GALNT18: variants seen among roughly 807,000 people sequenced by gnomAD.
GALNT18 encodes the protein GalNAc-transferase 18.
GALNT18 carries 44 observed loss-of-function variants against 69.5 expected under a neutral mutation model. That is an observed-to-expected ratio of 0.63 (90% CI 0.50 to 0.81). GALNT18 has a LOEUF of 0.81. GALNT18 is among the 40% of genes least tolerant of loss of function. GALNT18 has a pLI of 0.00. For missense variants in GALNT18, 715 were observed against 810.0 expected (o/e 0.88, Z 1.42); for synonymous variants, 364 against 318.2 (o/e 1.14, Z -1.53).
rs1860053120 is a variant in GALNT18 at position 11,616,464 on chromosome 11, A to G, written c.235+4895T>C. Among the ~76,000 whole-genome samples, 1 of 152,230 alleles carries G rather than the reference A, an allele frequency of 6.6e-6. No individual in the cohort carries two copies. Among genetic ancestry groups the G allele is most frequent in the Non-Finnish European group, 1.5e-5 (1 of 68,038 alleles). ...CACTTCTGGAAAGACATCCTTAAAC[A>G]TAATTCAAAAAACAGTGAGGTGAAG... On this transcript the variant is annotated intron_variant, in intron 1 of 10. Coordinates refer to ENST00000227756, the MANE Select transcript of GALNT18 (RefSeq NM_198516.3). This position sits in a 1 kb window ranked among gnomAD's most constrained non-coding sequence, Gnocchi z 4.4.
chr11:11,419,307 T>C (rs1247360153), intron 3 of GALNT18, among the ~76,000 whole-genome samples: 1 of 152,118 alleles, frequency 6.6e-6, no homozygotes, highest in Non-Finnish European at 1.5e-5. Context: ...TTAGAAACCA[T>C]GCAAAGTGGC....
chr11:11,271,605 G>GGGCTGGGTCTTGCTCCGCATAGCCATC, intron 10 of GALNT18, among the ~76,000 whole-genome samples: 1 of 151,328 alleles, frequency 6.6e-6, no homozygotes, highest in East Asian at 1.9e-4. Flanking sequence ...CCTACCCCAG[G>GGGCTGGGTCTTGCTCCGCATAGCCATC]GGCTGGGTCC....
In GALNT18 at chr11:11,586,166, C is replaced by T. The variant is rs1859219614; in HGVS notation, c.235+35193G>A. On this transcript the variant is annotated intron_variant, in intron 1 of 10. Transcript: ENST00000227756. This position sits in a 1 kb window ranked among gnomAD's most constrained non-coding sequence, Gnocchi z 4.1. ...TTCTATTGTTTATAAGCCATGCCAT[C>T]TAGGGTATTTTATTATAGCAGTCTG... Among the ~76,000 whole-genome samples the T allele has an allele frequency of 6.6e-6, 1 of 152,122 alleles. No individual in the cohort carries two copies. The highest frequency in any genetic ancestry group is 1.5e-5 in the Non-Finnish European group (1 of 68,026).
intron 10 of GALNT18, among the ~76,000 whole-genome samples, chr11:11,272,403 C>T (rs946041246): frequency 2.0e-5 from 3 of 152,150 alleles, no homozygotes; most frequent in African/African-American, 4.8e-5. Flanking sequence ...CTTCCAACCT[C>T]CAGAGGCAGG....
chr11:11,569,619 A>C (rs1224639285), intron 1 of GALNT18, among the ~76,000 whole-genome samples: 1 of 152,116 alleles, frequency 6.6e-6, no homozygotes, highest in African/African-American at 2.4e-5. Flanking sequence ...AGTTCACTAA[A>C]CCAAGGGCTA....
chr11:11,560,046 G>T (rs1473194980), intron 1 of GALNT18, among the ~76,000 whole-genome samples: 4 of 116,538 alleles, frequency 3.4e-5, no homozygotes, highest in East Asian at 2.8e-4. Context: ...AGGATGGGAT[G>T]GGATGGGATA....
Position 11,284,144 on chromosome 11 carries a change from A to G in GALNT18, c.1677+8885T>C, listed in dbSNP as rs188404331. ...CTCAATTTGTGTCTCAACATAGAGA[A>G]CTGTGCGTAGACTGGGGCGTGTGGA... On this transcript the variant is annotated intron_variant, in intron 10 of 10. Coordinates refer to ENST00000227756, the MANE Select transcript of GALNT18 (RefSeq NM_198516.3). Among the ~76,000 whole-genome samples, 108 of 152,266 alleles carry G rather than the reference A, an allele frequency of 7.1e-4. 1 individual carries two copies. The highest frequency in any genetic ancestry group is 4.2e-3 in the Admixed American group (65 of 15,296).
chr11:11,416,978 C>G (rs1243993932), intron 3 of GALNT18, among the ~76,000 whole-genome samples: 1 of 152,220 alleles, frequency 6.6e-6, no homozygotes, highest in Non-Finnish European at 1.5e-5. Context: ...AGTGACCCTT[C>G]CTCTATGTGA....
At chr11:11,360,945 T>C (rs183522058) in intron 6 of GALNT18, among the ~76,000 whole-genome samples, 1 of 152,346 alleles carries the variant, frequency 6.6e-6, no homozygotes, top group Admixed American at 6.5e-5. Context: ...ACTGTTGCCA[T>C]TGGTAGATCA....
intron 10 of GALNT18, among the ~76,000 whole-genome samples, chr11:11,276,359 G>A (rs1201801796): frequency 2.0e-5 from 3 of 152,110 alleles, no homozygotes; most frequent in Non-Finnish European, 4.4e-5. Context: ...GAATGCTTGT[G>A]ATTTTTGCAC....
At position 11,320,776 on chromosome 11, in the gene GALNT18, C is replaced by A. The variant is rs961525266; in HGVS notation, c.1512+6310G>T. 2.0e-5 allele frequency among the ~76,000 whole-genome samples: 3 copies of A among 152,176 alleles called. No homozygotes were observed. The highest frequency in any genetic ancestry group is 2.9e-5 in the Non-Finnish European group (2 of 68,030). ...AATACCCAGCCCGTCCCCAGGATAA[C>A]CTTGTCCTTTCCAGCTCTCCCAGCT... On this transcript the variant is annotated intron_variant, in intron 9 of 10. Coordinates refer to ENST00000227756, the MANE Select transcript of GALNT18 (RefSeq NM_198516.3). The surrounding 1 kb of genome is among the most constrained non-coding windows in gnomAD (Gnocchi z 4.9).
intron 1 of GALNT18, among the ~76,000 whole-genome samples, chr11:11,460,908 G>A (rs1023369424): frequency 6.6e-6 from 1 of 152,176 alleles, no homozygotes; most frequent in Non-Finnish European, 1.5e-5. Flanking sequence ...CCAGTCTCAA[G>A]TATTCTTTTA....
chr11:11,322,124 T>C (rs1161484580), intron 9 of GALNT18, among the ~76,000 whole-genome samples: 3 of 152,244 alleles, frequency 2.0e-5, no homozygotes, highest in Non-Finnish European at 4.4e-5. Flanking sequence ...GTTTTAAATA[T>C]TTTACATGTG....
chr11:11,464,892 A>T (rs970569278), intron 1 of GALNT18, among the ~76,000 whole-genome samples: 5 of 152,214 alleles, frequency 3.3e-5, no homozygotes, highest in Admixed American at 6.5e-5. Flanking sequence ...GAATAAGTTA[A>T]TAACAGAGCC....
chr11:11,397,952 C>A (rs2054841), intron 3 of GALNT18, among the ~76,000 whole-genome samples: 64,196 of 152,032 alleles, frequency 0.42, 15,105 homozygotes, highest in Non-Finnish European at 0.53. Context: ...TTCCATTCAG[C>A]CGCTTGCATC....
rs372280659 is a variant in GALNT18, at chr11:11,327,179, C to T, written c.1419G>A (p.Leu473=). The T allele has an allele frequency of 2.7e-5, 43 of 1,610,848 alleles. 1 individual carries two copies. The highest frequency in any genetic ancestry group is 1.8e-4 in the East Asian group (8 of 44,884). ...ACAAATCAGTCTTCAGAGAATTCTG[C>T]AGCTGAACATCAGAGAACAGATGGC... ...MYSDIIAYGV[L]QNSLKTDLCL... is the part of the protein sequence containing the mutation. The change falls in exon 9 of 11, where the codon CTG becomes CTA. Residue 473 remains leucine, a splice_region_variant and synonymous_variant. Transcript: ENST00000227756.
intron 6 of GALNT18, among the ~76,000 whole-genome samples, chr11:11,349,675 T>C (rs1264980640): frequency 6.6e-6 from 1 of 152,186 alleles, no homozygotes; most frequent in Non-Finnish European, 1.5e-5. Flanking sequence ...AAATATAAAT[T>C]GCACGAATGA....
At chr11:11,524,731 G>A (rs1857480154) in intron 1 of GALNT18, among the ~76,000 whole-genome samples, 1 of 152,208 alleles carries the variant, frequency 6.6e-6, no homozygotes, top group South Asian at 2.1e-4. Context: ...TTGGGGGCGG[G>A]AAGCTGTTTG....
intron 1 of GALNT18, among the ~76,000 whole-genome samples, chr11:11,575,363 T>C (rs10765866): frequency 0.95 from 144,675 of 152,222 alleles, 68,855 homozygotes; most frequent in East Asian, 1. Flanking sequence ...CTTTCTCTTC[T>C]CAAACTAAAC....
Sources: allele counts gnomAD v4.1 joint callset (sites outside exome capture counted in the v4.1 genomes callset), GRCh38; gene constraint gnomAD v4.1.1; non-coding constraint Gnocchi (gnomAD v3.1); transcripts MANE v1.5; gene names NCBI Gene and HGNC (gene_info 2026-07-23, HGNC 2026-07-21).